The following CADM2 variants were observed in gnomAD, a reference collection of about 807,000 sequenced individuals.
CADM2 encodes cell adhesion molecule 2, also known as immunoglobulin superfamily member 4D.
In CADM2, 12 loss-of-function variants were observed where a neutral mutation model predicts 49.8. The observed-to-expected ratio is 0.24, with a 90% CI of 0.15 to 0.39. The LOEUF (loss-of-function observed/expected upper bound fraction) is 0.39, where lower values mean the gene tolerates loss of function less well. Among genes scored for constraint, CADM2 ranks in the 10% least tolerant of loss-of-function variants. The probability of loss-of-function intolerance (pLI) is 1.00; values close to 1 mark genes in which losing one functional copy is unlikely to be tolerated. For synonymous variants in CADM2, 214 were observed against 175.4 expected (o/e 1.22, Z -1.74); for missense variants, 378 against 492.3 (o/e 0.77, Z 2.20).
chr3:85,791,276 T>C (rs1227690160), intron 2 of CADM2, among the ~76,000 whole-genome samples: 3 of 152,176 alleles, frequency 2.0e-5, no homozygotes, highest in Non-Finnish European at 4.4e-5. Flanking sequence ...CAGTAGGCTT[T>C]AGAATGCAAT....
At chr3:85,096,092 A>G (rs1009253185) in intron 1 of CADM2, among the ~76,000 whole-genome samples, 4 of 152,144 alleles carry the variant, frequency 2.6e-5, no homozygotes, top group Admixed American at 1.3e-4. Flanking sequence ...CTATAAGAAA[A>G]TAGGCTGTTT....
intron 1 of CADM2, among the ~76,000 whole-genome samples, chr3:85,724,645 A>G (rs907541040): frequency 6.8e-6 from 1 of 147,634 alleles, no homozygotes; most frequent in African/African-American, 2.6e-5. Flanking sequence ...ATTAATGTGT[A>G]TAGTAAAATC....
chr3:85,940,886 C>T (rs1721806062), intron 7 of CADM2, among the ~76,000 whole-genome samples: 1 of 151,802 alleles, frequency 6.6e-6, no homozygotes, highest in African/African-American at 2.4e-5. Context: ...AGGTTCACAG[C>T]AAAATTGAGT....
At chr3:85,744,718 G>A (rs2107837177) in intron 2 of CADM2, among the ~76,000 whole-genome samples, 1 of 152,018 alleles carries the variant, frequency 6.6e-6, no homozygotes, top group African/African-American at 2.4e-5. Context: ...TGCTTAAGGA[G>A]CAAGGGGTCT....
intron 1 of CADM2, among the ~76,000 whole-genome samples, chr3:85,639,688 G>T (rs944902452): frequency 6.6e-6 from 1 of 152,098 alleles, no homozygotes; most frequent in African/African-American, 2.4e-5. Context: ...ACAAGTGTTT[G>T]TATGATGTAT....
At chr3:85,121,713 A>C (rs2038870998) in intron 1 of CADM2, among the ~76,000 whole-genome samples, 1 of 152,128 alleles carries the variant, frequency 6.6e-6, no homozygotes, top group African/African-American at 2.4e-5. Context: ...ACCTATCTTC[A>C]TTCATCAGTA....
At chr3:85,898,956 T>TATATATATATATATGTA (rs58838667) in intron 5 of CADM2, among the ~76,000 whole-genome samples, 3 of 21,912 alleles carry the variant, frequency 1.4e-4, no homozygotes, top group African/African-American at 4.9e-4. Context: ...TATATATATA[T>TATATATATATATATGTA]TTTTTTTTTT....
At chr3:85,603,762 A>C (rs1490977035) in intron 1 of CADM2, among the ~76,000 whole-genome samples, 1 of 151,974 alleles carries the variant, frequency 6.6e-6, no homozygotes, top group African/African-American at 2.4e-5. Context: ...AGTTCTCTGC[A>C]TATTTTAAAA....
At chr3:85,682,682 T>C (rs1363853815) in intron 1 of CADM2, among the ~76,000 whole-genome samples, 2 of 152,100 alleles carry the variant, frequency 1.3e-5, no homozygotes, top group African/African-American at 2.4e-5. Context: ...GTATTTGATA[T>C]CTTTTAATAG....
intron 1 of CADM2, among the ~76,000 whole-genome samples, chr3:85,157,854 C>G (rs1385230417): frequency 2.0e-5 from 3 of 152,148 alleles, no homozygotes; most frequent in African/African-American, 4.8e-5. Context: ...TCTAATTAAA[C>G]TAAAGAGCTT....
Position 86,015,712 on chromosome 3 carries a change from A to G in CADM2, c.971-49893A>G, listed in dbSNP as rs74635164. Among the ~76,000 whole-genome samples the G allele has an allele frequency of 5.9e-3, 897 of 152,210 alleles. 9 individuals carry two copies. The highest frequency in any genetic ancestry group is 0.05 in the East Asian group (257 of 5,160). ...AGAGCCTGGCGTTGTTCTACATCTC[A>G]TTGTTGCTGTTTACATTCCTTTGTG... On this transcript the variant is annotated intron_variant, in intron 8 of 9. Transcript: ENST00000383699.
chr3:85,338,543 T>G (rs1486538586), intron 1 of CADM2, among the ~76,000 whole-genome samples: 7 of 151,596 alleles, frequency 4.6e-5, no homozygotes, highest in African/African-American at 1.2e-4. Flanking sequence ...GCAATAGGTT[T>G]TTGATAGAAT....
intron 2 of CADM2, among the ~76,000 whole-genome samples, chr3:85,793,300 C>T (rs559615326): frequency 3.9e-5 from 6 of 152,028 alleles, no homozygotes; most frequent in African/African-American, 1.4e-4. Flanking sequence ...GGTTTTCAAC[C>T]ACTGGTGTTA....
intron 1 of CADM2, among the ~76,000 whole-genome samples, chr3:85,468,171 AAAAAAAAAAAC>A (rs1459459255): frequency 4.0e-5 from 6 of 151,496 alleles, no homozygotes; most frequent in African/African-American, 1.5e-4. Context: ...AAAAAAAAAA[AAAAAAAAAAAC>A]ATTGAGGCAG....
chr3:85,970,072 A>G (rs1486546100), intron 8 of CADM2, among the ~76,000 whole-genome samples: 1 of 150,296 alleles, frequency 6.7e-6, no homozygotes, highest in South Asian at 2.1e-4. Context: ...GGTCACCAAA[A>G]TAATAACCTT....
In CADM2 at chr3:86,071,285, T is replaced by G. The variant is rs2107462876; in HGVS notation, c.*4502T>G. ...TTTTAATAGTTAAAGTCACTATATC[T>G]TAATGGGAATTTTAAAATATCTTTT... On this transcript the variant is annotated 3_prime_UTR_variant, in exon 10 of 10. Coordinates refer to ENST00000383699, the MANE Select transcript of CADM2 (RefSeq NM_001167675.2). The G allele has an allele frequency of 6.6e-6, 1 of 152,038 alleles. No individual in the cohort carries two copies. Among genetic ancestry groups the G allele is most frequent in the African/African-American group, 2.4e-5 (1 of 41,542 alleles). The allele number at this position is 152,038 out of a possible 1,614,324, so 9.4% of individuals were successfully genotyped here. A position where few individuals can be genotyped will look rare whatever the true frequency, so the allele number is the denominator to read the frequency against.
At chr3:85,694,116 G>A (rs1356167755) in intron 1 of CADM2, among the ~76,000 whole-genome samples, 2 of 152,098 alleles carry the variant, frequency 1.3e-5, no homozygotes, top group African/African-American at 4.8e-5. Context: ...CCAAGGGACA[G>A]TTTTTCTTTA....
chr3:85,526,501 C>T (rs748617240), intron 1 of CADM2, among the ~76,000 whole-genome samples: 2 of 152,016 alleles, frequency 1.3e-5, no homozygotes, highest in Admixed American at 6.6e-5. Context: ...TGTAAGAATG[C>T]GATATAATAG....
chr3:85,774,457 T>C (rs865838444), intron 2 of CADM2, among the ~76,000 whole-genome samples: 2 of 151,872 alleles, frequency 1.3e-5, no homozygotes, highest in Non-Finnish European at 2.9e-5. Flanking sequence ...TGTTTTAATA[T>C]GTAGATAGTC....
Sources: gnomAD v4.1 joint callset for allele counts (sites outside exome capture counted in the v4.1 genomes callset) on GRCh38, gnomAD v4.1.1 for gene constraint, MANE v1.5 for transcripts, NCBI Gene and HGNC (gene_info 2026-07-23, HGNC 2026-07-21) for gene names.